The following PPP6R3 variants were observed in gnomAD, a reference collection of about 807,000 sequenced individuals.
PPP6R3 encodes the protein serine/threonine-protein phosphatase 6 regulatory subunit 3.
A neutral mutation model predicts 110.7 loss-of-function variants in PPP6R3; 38 were observed. That is an observed-to-expected ratio of 0.34 (90% CI 0.26 to 0.45). PPP6R3 has a LOEUF of 0.45. Among genes scored for constraint, PPP6R3 ranks in the 20% least tolerant of loss-of-function variants. The pLI is 1.00. For missense variants in PPP6R3, 870 were observed against 1,062.4 expected, an observed-to-expected ratio of 0.82 and a Z score of 2.52; for synonymous variants, 369 against 373.5, an observed-to-expected ratio of 0.99 and a Z score of 0.14.
At chr11:68,494,378 G>T (rs1417589824) in intron 1 of PPP6R3, among the ~76,000 whole-genome samples, 6 of 122,002 alleles carry the variant, frequency 4.9e-5, no homozygotes, top group African/African-American at 1.9e-4. Flanking sequence ...ACAAAAATTA[G>T]CTAGGTGCGG....
At chr11:68,528,438 G>GC (rs911656571) in intron 2 of PPP6R3, among the ~76,000 whole-genome samples, 11 of 146,092 alleles carry the variant, frequency 7.5e-5, no homozygotes, top group South Asian at 2.4e-4. Flanking sequence ...GTGTGTGGGG[G>GC]GGGGGGCTGC....
chr11:68,464,190 TG>T (rs1475622864), intron 1 of PPP6R3, among the ~76,000 whole-genome samples: 1 of 152,192 alleles, frequency 6.6e-6, no homozygotes, highest in African/African-American at 2.4e-5. Context: ...TGGAGTGTGG[TG>T]GTGCCATCTC....
chr11:68,508,099 C>T (rs943637078), intron 1 of PPP6R3, among the ~76,000 whole-genome samples: 7 of 145,800 alleles, frequency 4.8e-5, no homozygotes, highest in African/African-American at 7.7e-5. Flanking sequence ...TTTTTTTCCC[C>T]GGCCTAAGTG....
chr11:68,573,155 A>ATAAT (rs1565936429), intron 12 of PPP6R3, among the ~76,000 whole-genome samples: 35 of 29,566 alleles, frequency 1.2e-3, no homozygotes, highest in South Asian at 2.3e-3. Flanking sequence ...TATATATATA[A>ATAAT]TTTTTTTTTT....
At chr11:68,540,966 A>C (rs557968358) in intron 3 of PPP6R3, among the ~76,000 whole-genome samples, 36 of 152,312 alleles carry the variant, frequency 2.4e-4, no homozygotes, top group African/African-American at 7.5e-4. Context: ...CAATTATCAC[A>C]TGGTCCTGAA....
intron 1 of PPP6R3, among the ~76,000 whole-genome samples, chr11:68,471,223 G>T (rs2098789422): frequency 6.6e-6 from 1 of 150,548 alleles, no homozygotes; most frequent in African/African-American, 2.5e-5. Flanking sequence ...GGTGGAGTTT[G>T]CAGTGAGCTG....
At chr11:68,597,817 G>GGA (rs780495963) in intron 19 of PPP6R3, among the ~76,000 whole-genome samples, 6 of 119,442 alleles carry the variant, frequency 5.0e-5, no homozygotes, top group African/African-American at 1.6e-4. Flanking sequence ...TGTCTCTACT[G>GGA]AAAAAAAAAA....
At chr11:68,570,489 C>G (rs2099499647) in intron 11 of PPP6R3, among the ~76,000 whole-genome samples, 1 of 152,312 alleles carries the variant, frequency 6.6e-6, no homozygotes, top group East Asian at 1.9e-4. Flanking sequence ...ATGGGAAAGA[C>G]AAATGACACC....
At chr11:68,506,414 C>CAAAAAAAAAAAAAAAAAAAAAAAAAAAAA (rs67739319) in intron 1 of PPP6R3, among the ~76,000 whole-genome samples, 7 of 46,072 alleles carry the variant, frequency 1.5e-4, no homozygotes, top group East Asian at 6.6e-4. Context: ...CCTTTATACT[C>CAAAAAAAAAAAAAAAAAAAAAAAAAAAAA]AAAAAAAAAA....
chr11:68,575,169 G>A (rs138879989), intron 13 of PPP6R3, among the ~76,000 whole-genome samples: 4 of 152,302 alleles, frequency 2.6e-5, no homozygotes, highest in African/African-American at 9.6e-5. Context: ...ATATGACTGA[G>A]TTTTTAGATC....
At chr11:68,476,629 ATTT>A (rs1306876941) in intron 1 of PPP6R3, among the ~76,000 whole-genome samples, 1 of 152,162 alleles carries the variant, frequency 6.6e-6, no homozygotes, top group Non-Finnish European at 1.5e-5. Flanking sequence ...GCTATGTATA[ATTT>A]TTATCTTTAA....
chr11:68,475,689 A>C (rs1591637813), intron 1 of PPP6R3, among the ~76,000 whole-genome samples: 2 of 137,662 alleles, frequency 1.5e-5, no homozygotes, highest in South Asian at 2.4e-4. Context: ...GCTGCCCCCC[A>C]CCTCCCTCCC....
chr11:68,543,601 C>T (rs1489208265), intron 3 of PPP6R3, among the ~76,000 whole-genome samples: 1 of 152,142 alleles, frequency 6.6e-6, no homozygotes, highest in Non-Finnish European at 1.5e-5. Context: ...GTGTCGTATA[C>T]GTGTCCCTCC....
chr11:68,571,105 G>GTAA lies in PPP6R3; in HGVS notation c.1343+2_1343+4dup. On this transcript the variant is annotated splice_donor_variant, in intron 12 of 23. Transcript: ENST00000393800. LOFTEE classifies it high-confidence loss of function. Reference sequence around the variant, plus strand: ...CCTGGGAAATGAATGAGAAGAAACAGTAAGTAAATTGTTTTTTTGAAAGGA... The same window carrying GTAA: ...CCTGGGAAATGAATGAGAAGAAACAGTAATAAGTAAATTGTTTTTTTGAAAGGA... The GTAA allele has an allele frequency of 6.3e-7, 1 of 1,594,984 alleles. No homozygotes were observed.
rs2153985100 is a variant in PPP6R3, at chr11:68,613,931, T to C, written c.*814T>C. 1.0e-6 allele frequency: 1 copy of C among 984,368 alleles called. No individual in the cohort carries two copies. The highest frequency in any genetic ancestry group is 4.7e-5 in the South Asian group (1 of 21,240). The allele number at this position is 984,368 out of a possible 1,614,324, so 61.0% of individuals were successfully genotyped here. Reference sequence around the variant, plus strand: ...TTTTTTTTTTTGGCTTTTGTTTTTGTTTGTTTTTTTGTTTCATTTGGTAGT... The same window carrying C: ...TTTTTTTTTTTGGCTTTTGTTTTTGCTTGTTTTTTTGTTTCATTTGGTAGT... On this transcript the variant is annotated 3_prime_UTR_variant, in exon 24 of 24. Transcript: ENST00000393800.
At position 68,596,112 on chromosome 11, in the gene PPP6R3, CAGTG is replaced by C; in HGVS notation, c.1935_1938del (p.Ser645ArgfsTer32). 1 of 1,614,158 alleles carries C rather than the reference CAGTG, an allele frequency of 6.2e-7. No homozygotes were observed. Among genetic ancestry groups the C allele is most frequent in the Non-Finnish European group, 8.5e-7 (1 of 1,180,024 alleles). ...TTTTCCTTAGCTCGGGGAGTACAGA[CAGTG>C]AGGAAAGTACAGACTCTGAAGAAGA... On this transcript the variant is annotated frameshift_variant, in exon 19 of 24. Transcript: ENST00000393800. LOFTEE classifies it high-confidence loss of function.
chr11:68,606,707 C>T (rs1444098512), intron 22 of PPP6R3, among the ~76,000 whole-genome samples: 2 of 152,176 alleles, frequency 1.3e-5, no homozygotes, highest in African/African-American at 4.8e-5. Context: ...GATGCATTCA[C>T]TTTAAGATGA....
intron 6 of PPP6R3, 122 bp downstream of exon 6, chr11:68,551,308 C>A: frequency 2.8e-6 from 2 of 705,670 alleles, no homozygotes; most frequent in Non-Finnish European, 4.7e-6. Context: ...AGAATAGCAG[C>A]GATCTAGTGT....
chr11:68,611,085 G>T (rs1404658637), intron 23 of PPP6R3, among the ~76,000 whole-genome samples: 2 of 152,192 alleles, frequency 1.3e-5, no homozygotes, highest in Non-Finnish European at 2.9e-5. Flanking sequence ...TCTAGTGAAG[G>T]CTTTTGGGGG....
Sources: allele counts gnomAD v4.1 joint callset (sites outside exome capture counted in the v4.1 genomes callset), GRCh38; gene constraint gnomAD v4.1.1; transcripts MANE v1.5; gene names NCBI Gene and HGNC (gene_info 2026-07-23, HGNC 2026-07-21).